Variants in IFT122 observed in about 807,000 individuals in gnomAD.
IFT122 encodes the protein intraflagellar transport 122.
IFT122 carries 118 observed loss-of-function variants against 161.6 expected under a neutral mutation model. The observed-to-expected ratio is 0.73, with a 90% CI of 0.63 to 0.85. IFT122 has a LOEUF of 0.85. Among genes scored for constraint, IFT122 ranks in the 40% least tolerant of loss-of-function variants. The probability of loss-of-function intolerance (pLI) is 0.00; values close to 1 mark genes in which losing one functional copy is unlikely to be tolerated. For synonymous variants in IFT122, 550 were observed against 602.4 expected (o/e 0.91, Z 1.27); for missense variants, 1,381 against 1,579.6 (o/e 0.87, Z 2.13).
At chr3:129,451,275 TTTTTTATTTTTATTTA>T (rs566636487) in intron 2 of IFT122, among the ~76,000 whole-genome samples, 1,655 of 152,060 alleles carry the variant, frequency 0.011, 10 homozygotes, top group South Asian at 0.029. Context: ...ATTTTTATTT[TTTTTTATTTTTATTTA>T]TTTTTATTTT....
At chr3:129,476,945 CTTTT>C (rs952499116) in intron 11 of IFT122, 144 bp downstream of exon 11, 1,826 of 636,418 alleles carry the variant, frequency 2.9e-3, no homozygotes, top group East Asian at 3.7e-3. Flanking sequence ...GTCTTGTTTT[CTTTT>C]TTTTTTTTTT....
intron 26 of IFT122, among the ~76,000 whole-genome samples, chr3:129,516,011 G>C (rs1386745315): frequency 6.6e-6 from 1 of 150,852 alleles, no homozygotes; most frequent in Non-Finnish European, 1.5e-5. Context: ...CGCACACACA[G>C]ACTGCCCCTG....
Position 129,477,947 on chromosome 3 carries a change from T to A in IFT122, c.1148-69T>A, listed in dbSNP as rs2078156710. ...CAGTAGCGCTAAGTAAATGATGGCT[T>A]TTAATTTCTCTGCCTTGCACCTTAC... On this transcript the variant is annotated intron_variant, in intron 11 of 29. Coordinates refer to ENST00000348417, the MANE Select transcript of IFT122 (RefSeq NM_052989.3). 3 of 1,361,742 alleles carry A rather than the reference T, an allele frequency of 2.2e-6. No homozygotes were observed. In the African/African-American group the frequency reaches 4.3e-5, roughly 19 times the overall value. The allele number at this position is 1,361,742 out of a possible 1,614,324, so 84.4% of individuals were successfully genotyped here. A position where few individuals can be genotyped will look rare whatever the true frequency, so the allele number is the denominator to read the frequency against.
In IFT122 at chr3:129,488,305, T is replaced by A; in HGVS notation, c.1900T>A (p.Tyr634Asn). 6.2e-7 allele frequency: 1 copy of A among 1,614,214 alleles called. No homozygotes were observed. The highest frequency in any genetic ancestry group is 8.5e-7 in the Non-Finnish European group (1 of 1,180,044). The change falls in exon 16 of 30, where the codon TAC (tyrosine) becomes AAC (asparagine). Residue 634 changes from tyrosine (Y) to asparagine (N), a missense_variant. Tyr to Asn is a moderately radical substitution (Grantham distance 143, BLOSUM62 -2). This residue lies in a region of IFT122 where 544 missense variants were observed against 648.0 expected (regional missense o/e 0.84). Coordinates refer to ENST00000348417, the MANE Select transcript of IFT122 (RefSeq NM_052989.3). ...GGATAGGAAACTGTTCAAGGAAGCC[T>A]ACCAGATTGCTTGCTTGGGTGTCAC... The part of the protein sequence containing the change: ...YLDRKLFKEA[Y>N]QIACLGVTDT...
At chr3:129,457,225 A>G (rs1351071050) in intron 3 of IFT122, among the ~76,000 whole-genome samples, 1 of 152,298 alleles carries the variant, frequency 6.6e-6, no homozygotes, top group South Asian at 2.1e-4. Flanking sequence ...ATAACAAATT[A>G]CTTGTTATAT....
chr3:129,472,211 G>GGT (rs2077432637), intron 9 of IFT122, among the ~76,000 whole-genome samples: 1 of 152,046 alleles, frequency 6.6e-6, no homozygotes, highest in Non-Finnish European at 1.5e-5. Context: ...GGAGTGCAGT[G>GGT]GTATGATCAT....
intron 3 of IFT122, chr3:129,452,212 ACTTC>A: frequency 1.9e-6 from 1 of 518,480 alleles, no homozygotes; most frequent in African/African-American, 1.9e-5. Flanking sequence ...TGCTTGAGTT[ACTTC>A]AGAGAAAAAA....
At chr3:129,497,406 A>G (rs895606236) in intron 18 of IFT122, among the ~76,000 whole-genome samples, 8 of 152,224 alleles carry the variant, frequency 5.3e-5, no homozygotes, top group African/African-American at 9.7e-5. Context: ...GCGACAGCTC[A>G]GTTTAGTCAT....
Position 129,478,969 on chromosome 3 carries a change from C to T in IFT122, c.1350+751C>T, listed in dbSNP as rs141035146. Among the ~76,000 whole-genome samples the T allele has an allele frequency of 4.6e-5, 7 of 152,092 alleles. No individual in the cohort carries two copies. The East Asian group carries it at 9.7e-4, about 21-fold the overall frequency. On this transcript the variant is annotated intron_variant, in intron 12 of 29. Coordinates refer to ENST00000348417, the MANE Select transcript of IFT122 (RefSeq NM_052989.3). ...CAAGATTCTTAGAGAGTGTCTAAGT[C>T]AATGCCAAGAGAAGTTTGGAAAGAC...
chr3:129,488,179 G>C, intron 15 of IFT122, 78 bp from the exon 16 acceptor site: 1 of 1,611,484 alleles, frequency 6.2e-7, no homozygotes, highest in Middle Eastern at 1.7e-4. Context: ...CGCATCTGGA[G>C]GCAGGCTCTG....
rs767668654 is a variant in IFT122 at position 129,479,772 on chromosome 3, GT to G, written c.1351-10del. The G allele has an allele frequency of 6.2e-7, 1 of 1,613,790 alleles. No homozygotes were observed. The highest frequency in any genetic ancestry group is 8.5e-7 in the Non-Finnish European group (1 of 1,180,038). On this transcript the variant is annotated splice_polypyrimidine_tract_variant and intron_variant, in intron 12 of 29. Coordinates refer to ENST00000348417, the MANE Select transcript of IFT122 (RefSeq NM_052989.3). ...CTGTTGAATTTCCATGCAGAGCTGG[GT>G]TTGCTTCCTAGGAGAAACGGCTGCA...
intron 26 of IFT122, among the ~76,000 whole-genome samples, chr3:129,515,879 C>T (rs2083433431): frequency 6.6e-6 from 1 of 152,180 alleles, no homozygotes; most frequent in Non-Finnish European, 1.5e-5. Flanking sequence ...AGTCCGATGG[C>T]TTTGCATTCA....
At chr3:129,483,907 C>T in intron 15 of IFT122, 1 of 602,482 alleles carries the variant, frequency 1.7e-6, no homozygotes, top group Non-Finnish European at 3.0e-6. Flanking sequence ...TCAGTTTCTT[C>T]CTTGTCCCCT....
intron 3 of IFT122, among the ~76,000 whole-genome samples, chr3:129,457,756 G>A (rs959059214): frequency 8.7e-5 from 10 of 114,760 alleles, no homozygotes; most frequent in Admixed American, 2.0e-4. Context: ...TTTTTTTTGA[G>A]ATGGAGTCTC....
intron 7 of IFT122, among the ~76,000 whole-genome samples, chr3:129,465,128 T>A (rs1468366405): frequency 1.0e-5 from 1 of 95,844 alleles, no homozygotes; most frequent in African/African-American, 7.1e-5. Flanking sequence ...TGTGTGTGTG[T>A]GTGTGTGTGT....
chr3:129,505,054 C>G (rs528915155), intron 21 of IFT122, among the ~76,000 whole-genome samples: 1 of 152,346 alleles, frequency 6.6e-6, no homozygotes, highest in Non-Finnish European at 1.5e-5. Flanking sequence ...ATAGAACTTT[C>G]GCTGATGTTA....
Position 129,514,524 on chromosome 3 carries a change from C to T in IFT122, c.3123C>T (p.Thr1041=), listed in dbSNP as rs774913842. The change falls in exon 25 of 30, where the codon ACC becomes ACT. Residue 1041 remains threonine (T), a synonymous_variant. Coordinates refer to ENST00000348417, the MANE Select transcript of IFT122 (RefSeq NM_052989.3). ...FQKSIELGTL[T]IRAKPFHDSE... ...AGTCCATTGAGCTGGGTACCCTGAC[C>T]ATCCGCGCCAAGCCCTTCCACGACA... The T allele has an allele frequency of 1.5e-5, 24 of 1,614,232 alleles. No individual in the cohort carries two copies. In the African/African-American group the frequency reaches 2.3e-4, roughly 15 times the overall value.
intron 19 of IFT122, among the ~76,000 whole-genome samples, chr3:129,501,868 G>A (rs541122603): frequency 1.3e-5 from 2 of 152,264 alleles, no homozygotes; most frequent in African/African-American, 4.8e-5. Flanking sequence ...AGACTGACAG[G>A]CCTCCGTGCC....
chr3:129,476,919 T>A, intron 11 of IFT122, 118 bp downstream of exon 11: 2 of 1,263,228 alleles, frequency 1.6e-6, no homozygotes, highest in South Asian at 1.2e-5. Context: ...GCAAACCTGT[T>A]AGCCACTGGG....
Sources: allele counts gnomAD v4.1 joint callset (sites outside exome capture counted in the v4.1 genomes callset), GRCh38; gene constraint gnomAD v4.1.1; regional missense constraint gnomAD v4.1.1; transcripts MANE v1.5; gene names NCBI Gene and HGNC (gene_info 2026-07-23, HGNC 2026-07-21).